Variants in EXT1 observed in about 807,000 individuals in gnomAD.
The protein encoded by EXT1 is exostosin glycosyltransferase 1, also known as exostosin-1.
A neutral mutation model predicts 82.5 loss-of-function variants in EXT1; 20 were observed. The observed-to-expected ratio is 0.24, with a 90% CI of 0.17 to 0.35. The LOEUF (loss-of-function observed/expected upper bound fraction) is 0.35. Among genes scored for constraint, EXT1 ranks in the 10% least tolerant of loss-of-function variants. EXT1 has a pLI of 1.00. For missense variants in EXT1, 757 were observed against 936.5 expected (o/e 0.81, Z 2.50); for synonymous variants, 348 against 350.8 (o/e 0.99, Z 0.09).
intron 1 of EXT1, among the ~76,000 whole-genome samples, chr8:117,938,157 G>A (rs1044881225): frequency 6.6e-6 from 1 of 152,074 alleles, no homozygotes; most frequent in African/African-American, 2.4e-5. Flanking sequence ...AGCCCCATGG[G>A]GTGACTTCCA....
chr8:117,981,820 G>A (rs528219360), intron 1 of EXT1, among the ~76,000 whole-genome samples: 1 of 152,164 alleles, frequency 6.6e-6, no homozygotes, highest in African/African-American at 2.4e-5. Context: ...GGAGGTTGCG[G>A]TGGGCTGAGA....
At chr8:118,072,067 A>G (rs1817104222) in intron 1 of EXT1, among the ~76,000 whole-genome samples, 1 of 152,158 alleles carries the variant, frequency 6.6e-6, no homozygotes, top group Admixed American at 6.5e-5. Flanking sequence ...CAAAAAGAGG[A>G]AGGAATTTAT....
chr8:117,915,307 T>C (rs1222276470), intron 1 of EXT1, among the ~76,000 whole-genome samples: 1 of 152,146 alleles, frequency 6.6e-6, no homozygotes. Context: ...GGAATAATTC[T>C]GCATAGAATG....
Position 117,807,316 on chromosome 8 carries a change from C to T in EXT1, c.1784G>A (p.Arg595His). The T allele has an allele frequency of 3.1e-6, 5 of 1,614,164 alleles. No individual in the cohort carries two copies. Among genetic ancestry groups the T allele is most frequent in the Non-Finnish European group, 2.5e-6 (3 of 1,180,020 alleles). The change falls in exon 9 of 11, where the codon CGC becomes CAC. Residue 595 changes from arginine (R) to histidine (H), a missense_variant. Arg to His is a conservative substitution (Grantham distance 29, BLOSUM62 0). This residue lies in a region of EXT1 where 128 missense variants were observed against 223.2 expected (regional missense o/e 0.57). Transcript: ENST00000378204. Reference sequence around the variant, plus strand: ...CTTAGAGTTATCCCAGAAGTGGCTGCGCGCGGGGTACCCCACAATCCTCTC... The same window carrying T: ...CTTAGAGTTATCCCAGAAGTGGCTGTGCGCGGGGTACCCCACAATCCTCTC... Reference protein sequence around the residue: ...FPERIVGYPARSHFWDNSKER... With the variant: ...FPERIVGYPAHSHFWDNSKER...
At chr8:117,997,788 A>AC (rs1008824741) in intron 1 of EXT1, among the ~76,000 whole-genome samples, 62 of 151,880 alleles carry the variant, frequency 4.1e-4, no homozygotes, top group Non-Finnish European at 5.6e-4. Flanking sequence ...AGTACTCTGA[A>AC]CCCCCATGGT....
At position 117,869,351 on chromosome 8, in the gene EXT1, C is replaced by T. The variant is rs561993930; in HGVS notation, c.963-32150G>A. The stretch of plus-strand genomic sequence containing the variant: ...TGGCGCAGAGGATTGGAAGGACAAA[C>T]TGTAAGCTCAGCTTCAACTCAGAGC... On this transcript the variant is annotated intron_variant, in intron 1 of 10. Transcript: ENST00000378204. Among the ~76,000 whole-genome samples the T allele has an allele frequency of 2.6e-5, 4 of 152,308 alleles. No individual in the cohort carries two copies. The East Asian group carries it at 7.7e-4, about 29-fold the overall frequency.
At chr8:118,004,447 A>T (rs1180482058) in intron 1 of EXT1, among the ~76,000 whole-genome samples, 1 of 152,236 alleles carries the variant, frequency 6.6e-6, no homozygotes, top group African/African-American at 2.4e-5. Context: ...GCAAGAAAAG[A>T]GGGTGGGCAG....
At chr8:117,924,617 C>A (rs888317018) in intron 1 of EXT1, among the ~76,000 whole-genome samples, 14 of 152,062 alleles carry the variant, frequency 9.2e-5, no homozygotes, top group Non-Finnish European at 1.9e-4. Flanking sequence ...TCACTACAGG[C>A]CAAAACAGGT....
Position 117,799,603 on chromosome 8 carries a change from G to T in EXT1, c.*109C>A. 5 of 1,251,150 alleles carry T rather than the reference G, an allele frequency of 4.0e-6. No homozygotes were observed. The highest frequency in any genetic ancestry group is 4.6e-6 in the Non-Finnish European group (4 of 866,264). The allele number at this position is 1,251,150 out of a possible 1,614,324, so 77.5% of individuals were successfully genotyped here. The stretch of plus-strand genomic sequence containing the variant: ...TGTCATTCTGCTCATCTAAGTTTTT[G>T]GATAGTTGGCACAATCTGGCTCTGC... On this transcript the variant is annotated 3_prime_UTR_variant, in exon 11 of 11. Coordinates refer to ENST00000378204, the MANE Select transcript of EXT1 (RefSeq NM_000127.3).
intron 1 of EXT1, among the ~76,000 whole-genome samples, chr8:118,014,781 G>A (rs1435064787): frequency 2.0e-5 from 3 of 151,954 alleles, no homozygotes; most frequent in Admixed American, 6.6e-5. Flanking sequence ...TCTTAAACCC[G>A]TTCAAGTTTG....
At chr8:117,988,849 C>A (rs1029822014) in intron 1 of EXT1, among the ~76,000 whole-genome samples, 1 of 152,112 alleles carries the variant, frequency 6.6e-6, no homozygotes. Flanking sequence ...GGACAAGTGG[C>A]CACACAGAGA....
chr8:118,006,114 G>T (rs1204934625), intron 1 of EXT1, among the ~76,000 whole-genome samples: 1 of 152,192 alleles, frequency 6.6e-6, no homozygotes, highest in Non-Finnish European at 1.5e-5. Context: ...ATAGGGTTCT[G>T]GAAAGCAATT....
intron 1 of EXT1, among the ~76,000 whole-genome samples, chr8:118,036,417 C>T (rs1816419739): frequency 6.6e-6 from 1 of 152,036 alleles, no homozygotes; most frequent in African/African-American, 2.4e-5. Context: ...TATTCAAAGC[C>T]CCACTGATCT....
chr8:117,972,555 C>G (rs540886930), intron 1 of EXT1, among the ~76,000 whole-genome samples: 1 of 152,316 alleles, frequency 6.6e-6, no homozygotes, highest in Admixed American at 6.5e-5. Context: ...CAAACACTCA[C>G]GCACACATAC....
At chr8:118,092,481 G>A (rs189893208) in intron 1 of EXT1, among the ~76,000 whole-genome samples, 5 of 152,310 alleles carry the variant, frequency 3.3e-5, no homozygotes, top group African/African-American at 1.2e-4. Context: ...TAATTATAAT[G>A]CAAGGTAGAA....
intron 1 of EXT1, among the ~76,000 whole-genome samples, chr8:117,895,163 T>C (rs1016499652): frequency 6.6e-6 from 1 of 152,138 alleles, no homozygotes; most frequent in East Asian, 1.9e-4. Context: ...AGTGAGTGAT[T>C]TGATAACATC....
At position 118,076,857 on chromosome 8, in the gene EXT1, GAATTATT is replaced by G. The variant is rs1817221841; in HGVS notation, c.962+33221_962+33227del. 3.9e-5 allele frequency among the ~76,000 whole-genome samples: 6 copies of G among 152,146 alleles called. No homozygotes were observed. In the South Asian group the frequency reaches 1.2e-3, roughly 32 times the overall value. ...TGATTTCATATAGATAGAAAATCAA[GAATTATT>G]AATGAGCAAATAAAAATAGAGTAAT... On this transcript the variant is annotated intron_variant, in intron 1 of 10. Transcript: ENST00000378204.
At chr8:118,042,158 T>C (rs1281047481) in intron 1 of EXT1, among the ~76,000 whole-genome samples, 2 of 152,160 alleles carry the variant, frequency 1.3e-5, no homozygotes, top group African/African-American at 4.8e-5. Context: ...AGGTCTTTGA[T>C]ACTTGGAGCA....
chr8:117,814,824 C>T (rs1189909391), intron 7 of EXT1, among the ~76,000 whole-genome samples: 2 of 151,936 alleles, frequency 1.3e-5, no homozygotes, highest in African/African-American at 4.8e-5. Flanking sequence ...CTGCAGTCTC[C>T]CCAAATCTGA....
Sources: gnomAD v4.1 joint callset for allele counts (sites outside exome capture counted in the v4.1 genomes callset) on GRCh38, gnomAD v4.1.1 for gene constraint, gnomAD v4.1.1 regional missense constraint, MANE v1.5 for transcripts, NCBI Gene and HGNC (gene_info 2026-07-23, HGNC 2026-07-21) for gene names.